RUVBL1: variants seen among roughly 807,000 people sequenced by gnomAD.
RUVBL1 encodes the protein RuvB like AAA ATPase 1.
RUVBL1 carries 4 observed loss-of-function variants against 52.4 expected under a neutral mutation model. The ratio of observed to expected loss-of-function variants is 0.08; its 90% CI spans 0.04 to 0.17. The LOEUF is 0.17. Ranked by LOEUF, RUVBL1 falls within the 10% of genes least tolerant of loss-of-function variation. The pLI is 1.00. For missense variants in RUVBL1, 298 were observed against 572.8 expected, an observed-to-expected ratio of 0.52 and a Z score of 4.90; for synonymous variants, 217 against 214.4, an observed-to-expected ratio of 1.01 and a Z score of -0.10.
intron 4 of RUVBL1, among the ~76,000 whole-genome samples, chr3:128,103,024 C>T (rs1198560762): frequency 1.3e-5 from 2 of 152,164 alleles, no homozygotes; most frequent in Non-Finnish European, 2.9e-5. Flanking sequence ...ATTCTCGTTG[C>T]TAGAACTCAG....
chr3:128,089,723 G>C (rs1942772903), intron 8 of RUVBL1, among the ~76,000 whole-genome samples: 1 of 151,876 alleles, frequency 6.6e-6, no homozygotes. Flanking sequence ...TTTCTTTATA[G>C]GAAATATCTA....
chr3:128,080,934 T>C lies in RUVBL1; in HGVS notation c.*316A>G, dbSNP rs1001093350. 5 of 273,252 alleles carry C rather than the reference T, an allele frequency of 1.8e-5. No individual in the cohort carries two copies. Among genetic ancestry groups the C allele is most frequent in the Admixed American group, 4.8e-5 (1 of 20,882 alleles). 16.9% of individuals were successfully genotyped at this position (273,252 alleles called of 1,614,324 possible). A position where few individuals can be genotyped will look rare whatever the true frequency, so the allele number is the denominator to read the frequency against. Reference sequence around the variant, plus strand: ...AGATACATGGGAACTCCCTATTGTATGTTCACAATGACTCTGTACATCTAA... The same window carrying C: ...AGATACATGGGAACTCCCTATTGTACGTTCACAATGACTCTGTACATCTAA... On this transcript the variant is annotated 3_prime_UTR_variant, in exon 11 of 11. Coordinates refer to ENST00000322623, the MANE Select transcript of RUVBL1 (RefSeq NM_003707.3).
chr3:128,120,930 G>A (rs1352531199), intron 1 of RUVBL1, among the ~76,000 whole-genome samples: 8 of 150,968 alleles, frequency 5.3e-5, no homozygotes, highest in Admixed American at 3.3e-4. Context: ...GCAGTGAACC[G>A]AGATGGCGCC....
At chr3:128,120,856 G>GTAAT (rs1321752226) in intron 1 of RUVBL1, among the ~76,000 whole-genome samples, 3 of 151,972 alleles carry the variant, frequency 2.0e-5, no homozygotes, top group African/African-American at 4.8e-5. Flanking sequence ...TCCCGACCAT[G>GTAAT]TAATCCACCT....
intron 9 of RUVBL1, among the ~76,000 whole-genome samples, chr3:128,074,842 CAAAAAAAA>C (rs386397876): frequency 5.9e-4 from 43 of 72,802 alleles, no homozygotes; most frequent in African/African-American, 1.8e-3. Context: ...AACTCCGTCT[CAAAAAAAA>C]AAAAAAAAAA....
rs776394287 is a variant in RUVBL1, at chr3:128,067,939, C to T, written c.940-2719G>A. The T allele has an allele frequency of 1.3e-6, 2 of 1,526,120 alleles. No individual in the cohort carries two copies. The highest frequency in any genetic ancestry group is 1.7e-4 in the Middle Eastern group (1 of 5,910). 94.5% of individuals were successfully genotyped at this position (1,526,120 alleles called of 1,614,324 possible). A position where few individuals can be genotyped will look rare whatever the true frequency, so the allele number is the denominator to read the frequency against. On this transcript the variant is annotated intron_variant, in intron 9 of 9. Coordinates refer to the RUVBL1 transcript ENST00000464873. This position sits in a 1 kb window ranked among gnomAD's most constrained non-coding sequence, Gnocchi z 4.1. ...GTACCACTTGGAATGCCTATTTCCC[C>T]TTCAGCCTCCAATTCCAACTTCTCC...
At chr3:128,086,753 TA>T (rs1373001335) in intron 9 of RUVBL1, among the ~76,000 whole-genome samples, 1 of 152,258 alleles carries the variant, frequency 6.6e-6, no homozygotes, top group African/African-American at 2.4e-5. Flanking sequence ...TAGAAATTCC[TA>T]GTCCAATGGT....
chr3:128,068,100 C>T (rs1274579500), intron 9 of RUVBL1: 3 of 1,535,594 alleles, frequency 2.0e-6, no homozygotes, highest in African/African-American at 1.4e-5. Context: ...CGTCTGTGGA[C>T]ATGTGTTGTT....
chr3:128,071,065 G>T (rs906142963), intron 9 of RUVBL1: 2 of 152,308 alleles, frequency 1.3e-5, no homozygotes, highest in Non-Finnish European at 2.9e-5. Context: ...CTGACAGTGG[G>T]CACACGGCAG....
rs563000229 is a variant in RUVBL1, at chr3:128,133,548, C to T, written c.-39-14134G>A. Reference sequence around the variant, plus strand: ...AGCTTCAGACAGCTTATCAGAGAGACTCTGTTTGTTCCTGGGAAAGTACGG... The same window carrying T: ...AGCTTCAGACAGCTTATCAGAGAGATTCTGTTTGTTCCTGGGAAAGTACGG... On this transcript the variant is annotated intron_variant, in intron 1 of 9. Transcript: ENST00000464873. 7.0e-4 allele frequency among the ~76,000 whole-genome samples: 90 copies of T among 128,656 alleles called. No homozygotes were observed. In the East Asian group the frequency reaches 0.019, roughly 27 times the overall value. The allele number at this position is 128,656 out of a possible 152,430, so 84.4% of individuals were successfully genotyped here. A position where few individuals can be genotyped will look rare whatever the true frequency, so the allele number is the denominator to read the frequency against.
At chr3:128,136,866 T>A (rs1943956052) in intron 1 of RUVBL1, among the ~76,000 whole-genome samples, 1 of 152,122 alleles carries the variant, frequency 6.6e-6, no homozygotes, top group Non-Finnish European at 1.5e-5. Flanking sequence ...ATATAACAAT[T>A]GTAAATATAT....
At chr3:128,109,946 G>A (rs1442893322) in intron 3 of RUVBL1, among the ~76,000 whole-genome samples, 1 of 149,180 alleles carries the variant, frequency 6.7e-6, no homozygotes, top group Non-Finnish European at 1.5e-5. Flanking sequence ...CTCCCAAGTA[G>A]CTGGGATTAC....
At chr3:128,125,326 C>G (rs1226644782), upstream of RUVBL1, among the ~76,000 whole-genome samples, 1 of 152,080 alleles carries the variant, frequency 6.6e-6, no homozygotes, top group Non-Finnish European at 1.5e-5. Flanking sequence ...CTCACACCTC[C>G]TTGTACATCT....
upstream of RUVBL1, among the ~76,000 whole-genome samples, chr3:128,127,585 C>T (rs977797730): frequency 2.0e-5 from 3 of 152,214 alleles, no homozygotes; most frequent in African/African-American, 7.2e-5. Context: ...CCTCTGCCTT[C>T]TTCACTGCCT....
chr3:128,119,907 C>G (rs1355878665), intron 1 of RUVBL1, among the ~76,000 whole-genome samples: 1 of 152,202 alleles, frequency 6.6e-6, no homozygotes, highest in African/African-American at 2.4e-5. Context: ...AAGAGGTAGA[C>G]AGCGGCCAGA....
Position 128,067,339 on chromosome 3 carries a change from T to A in RUVBL1, c.940-2119A>T. The A allele has an allele frequency of 6.9e-7, 1 of 1,448,266 alleles. No individual in the cohort carries two copies. Among genetic ancestry groups the A allele is most frequent in the Non-Finnish European group, 9.4e-7 (1 of 1,063,278 alleles). The allele number at this position is 1,448,266 out of a possible 1,614,324, so 89.7% of individuals were successfully genotyped here. A position where few individuals can be genotyped will look rare whatever the true frequency, so the allele number is the denominator to read the frequency against. ...GGGCACCGAGTAAAATTGCATTCTT[T>A]CATCTGCTCAGAACTATTTTTGCCT... On this transcript the variant is annotated intron_variant, in intron 9 of 9. Transcript: ENST00000464873. The surrounding 1 kb of genome is among the most constrained non-coding windows in gnomAD (Gnocchi z 4.1).
chr3:128,073,238 C>T (rs750369962), intron 9 of RUVBL1, among the ~76,000 whole-genome samples: 6 of 152,184 alleles, frequency 3.9e-5, no homozygotes, highest in Non-Finnish European at 7.3e-5. Flanking sequence ...CGGAGCTTCC[C>T]CTTGCTGCCC....
intron 1 of RUVBL1, among the ~76,000 whole-genome samples, chr3:128,137,940 G>T (rs545281009): frequency 3.7e-4 from 57 of 152,174 alleles, no homozygotes; most frequent in African/African-American, 1.3e-3. Context: ...AAGGACAAAA[G>T]CCATATGGTC....
At chr3:128,150,846 TATTCTATATATTATATATTATATA>T (rs1292558246) in intron 1 of RUVBL1, among the ~76,000 whole-genome samples, 5 of 86,364 alleles carry the variant, frequency 5.8e-5, no homozygotes, top group East Asian at 3.0e-4. Context: ...ATTCTATATA[TATTCTATATATTATATATTATATA>T]TATATATTCT....
Sources: allele counts gnomAD v4.1 joint callset (sites outside exome capture counted in the v4.1 genomes callset), GRCh38; gene constraint gnomAD v4.1.1; non-coding constraint Gnocchi (gnomAD v3.1); transcripts MANE v1.5; gene names NCBI Gene and HGNC (gene_info 2026-07-23, HGNC 2026-07-21).